CAPN6: variants seen among roughly 807,000 people sequenced by gnomAD.
The protein encoded by CAPN6 is calpain-6.
In CAPN6, 16 loss-of-function variants were observed where a neutral mutation model predicts 46.0. The ratio of observed to expected loss-of-function variants is 0.35; its 90% CI spans 0.24 to 0.53. The LOEUF (loss-of-function observed/expected upper bound fraction) is 0.53. CAPN6 is among the 20% of genes least tolerant of loss of function. CAPN6 has a pLI of 0.94. For missense variants in CAPN6, 461 were observed against 498.0 expected (o/e 0.93, Z 0.71); for synonymous variants, 206 against 172.8 (o/e 1.19, Z -1.51).
chrX:111,261,261 AC>A (rs2094987742), intron 2 of CAPN6, among the ~76,000 whole-genome samples: 1 of 112,597 alleles, frequency 8.9e-6, no homozygotes, highest in Admixed American at 9.4e-5. Context: ...TAGCAGTCTG[AC>A]CCTGAGCAAA....
At position 111,251,021 on chromosome X, in the gene CAPN6, C is replaced by T. The variant is rs1173458454; in HGVS notation, c.1054G>A (p.Glu352Lys). 8.3e-7 allele frequency: 1 copy of T among 1,211,546 alleles called. No homozygotes were observed. ...CAGCATCCCAACACCGATTCCAGCT[C>T]CTTTCGGCCAAAAATAGGGTTGTTC... ...NVNNPIFGRK[E>K]LESVLGCWTV... The change falls in exon 8 of 13, where the codon GAG becomes AAG. Residue 352 changes from glutamate (E) to lysine (K), a missense_variant. Glu to Lys is a moderately conservative substitution (Grantham distance 56, BLOSUM62 1). Transcript: ENST00000324068.
At chrX:111,266,233 CAAAAAAAAAAAAA>C (rs36058551) in intron 1 of CAPN6, among the ~76,000 whole-genome samples, 2 of 34,318 alleles carry the variant, frequency 5.8e-5, no homozygotes, top group Non-Finnish European at 1.0e-4. Context: ...GACTCCGTCT[CAAAAAAAAAAAAA>C]AAAAAAAAAA....
Position 111,246,415 on chromosome X carries a change from G to A in CAPN6, c.*162C>T, listed in dbSNP as rs2094974552. 6.4e-6 allele frequency: 3 copies of A among 469,806 alleles called. No homozygotes were observed. The highest frequency in any genetic ancestry group is 1.1e-5 in the Non-Finnish European group (3 of 278,093). 38.7% of individuals were successfully genotyped at this position (469,806 alleles called of 1,213,427 possible). On this transcript the variant is annotated 3_prime_UTR_variant, in exon 13 of 13. Coordinates refer to ENST00000324068, the MANE Select transcript of CAPN6 (RefSeq NM_014289.4). ...GTATATAGGTTATGTAGCTACAGAT[G>A]CTACTTGGATTGGGAGGTATGGGGA... is the stretch of plus-strand genomic sequence containing the variant.
In CAPN6 at chrX:111,252,372, A is replaced by G; in HGVS notation, c.634T>C (p.Tyr212His). 4.1e-6 allele frequency: 5 copies of G among 1,208,998 alleles called. No homozygotes were observed. The highest frequency in any genetic ancestry group is 5.6e-6 in the Non-Finnish European group (5 of 893,285). The stretch of plus-strand genomic sequence containing the variant: ...TTGTACAGTTCTCCGAATAGCTTGT[A>G]CTTCTCCTCAACAAGCTCAGTGTAT... ...GRYTELVEEK[Y>H]KLFGELYKTF... The change falls in exon 5 of 13, where the codon TAC (tyrosine) becomes CAC (histidine). Residue 212 changes from tyrosine (Y) to histidine (H), a missense_variant. Transcript: ENST00000324068.
intron 8 of CAPN6, among the ~76,000 whole-genome samples, chrX:111,250,168 T>C (rs1313471419): frequency 1.8e-5 from 2 of 111,417 alleles, no homozygotes; most frequent in African/African-American, 3.3e-5. Context: ...CCTAAATGCC[T>C]GACCAATGAG....
At chrX:111,261,571 G>A (rs774889188) in intron 2 of CAPN6, among the ~76,000 whole-genome samples, 131 of 112,433 alleles carry the variant, frequency 1.2e-3, no homozygotes, top group African/African-American at 4.1e-3. Context: ...GTTTGCCTTA[G>A]AGGCAAAATG....
intron 2 of CAPN6, among the ~76,000 whole-genome samples, chrX:111,259,941 T>A (rs2094986601): frequency 9.0e-6 from 1 of 111,537 alleles, no homozygotes; most frequent in African/African-American, 3.3e-5. Flanking sequence ...ACCGGCAGTC[T>A]TATGATCACA....
At chrX:111,256,451 TAACATGGAAA>T (rs2094983834) in intron 2 of CAPN6, among the ~76,000 whole-genome samples, 1 of 112,304 alleles carries the variant, frequency 8.9e-6, no homozygotes, top group Non-Finnish European at 1.9e-5. Context: ...CATAGTTTCC[TAACATGGAAA>T]AACAATAAAG....
intron 1 of CAPN6, among the ~76,000 whole-genome samples, chrX:111,264,467 C>T (rs1424433464): frequency 4.5e-5 from 5 of 111,887 alleles, no homozygotes; most frequent in African/African-American, 1.6e-4. Context: ...TTTCTTCCGT[C>T]TTGTCATTTA....
chrX:111,265,036 T>C (rs996979863), intron 1 of CAPN6, among the ~76,000 whole-genome samples: 3 of 111,989 alleles, frequency 2.7e-5, no homozygotes. Context: ...AAGTCTATAT[T>C]CTATAATCAC....
At chrX:111,267,593 C>A (rs974750839) in intron 1 of CAPN6, among the ~76,000 whole-genome samples, 1 of 111,149 alleles carries the variant, frequency 9.0e-6, no homozygotes, top group South Asian at 3.9e-4. Flanking sequence ...TCTTAACCTG[C>A]GGGTTAGCCT....
At position 111,245,733 on chromosome X, in the gene CAPN6, TGCCTGAATGGTAGTTCGTGCGC is replaced by T. The variant is rs1416800080; in HGVS notation, c.*822_*843del. The stretch of plus-strand genomic sequence containing the variant: ...CTTATCTTTCCTCTTGCCCACTGAC[TGCCTGAATGGTAGTTCGTGCGC>T]GCCCATGTGCGCGTGTGTGAGTGTA... On this transcript the variant is annotated 3_prime_UTR_variant, in exon 13 of 13. Coordinates refer to ENST00000324068, the MANE Select transcript of CAPN6 (RefSeq NM_014289.4). 8.8e-6 allele frequency: 1 copy of T among 113,247 alleles called. No individual in the cohort carries two copies. Among genetic ancestry groups the T allele is most frequent in the Non-Finnish European group, 1.9e-5 (1 of 53,427 alleles). The allele number at this position is 113,247 out of a possible 1,213,427, so 9.3% of individuals were successfully genotyped here.
chrX:111,247,516 T>C lies in CAPN6; in HGVS notation c.1607-12A>G, dbSNP rs754936782. On this transcript the variant is annotated splice_polypyrimidine_tract_variant and intron_variant, in intron 11 of 12. Coordinates refer to ENST00000324068, the MANE Select transcript of CAPN6 (RefSeq NM_014289.4). ...ATATGGGTTTACAGCTGGAACAAAG[T>C]GACATATGTTTTTAACACAGCAATT... The C allele has an allele frequency of 3.4e-6, 4 of 1,191,936 alleles. No individual in the cohort carries two copies. The African/African-American group carries it at 7.1e-5, about 21-fold the overall frequency.
intron 12 of CAPN6, among the ~76,000 whole-genome samples, 183 bp from the exon 13 acceptor site, chrX:111,246,942 C>G (rs1291657918): frequency 1.8e-5 from 2 of 111,912 alleles, no homozygotes; most frequent in East Asian, 5.6e-4. Context: ...ACATGAAAAG[C>G]CAGAAAACAG....
chrX:111,254,334 C>T lies in CAPN6; in HGVS notation c.235G>A (p.Gly79Arg). Residue 79 changes from glycine (G) to arginine (R), a missense_variant, in exon 3 of 13, where the codon GGG (glycine) becomes AGG (arginine). Physicochemically the swap from Gly to Arg is moderately radical, Grantham distance 125 (BLOSUM62 -2). Coordinates refer to ENST00000324068, the MANE Select transcript of CAPN6 (RefSeq NM_014289.4). ...SNHQLTQGRL[G>R]HKPMVSAFSC... is the part of the protein sequence containing the mutation. ...AATGCAGAAACCATTGGCTTGTGCC[C>T]CAGTCTCCCTTGGGTCAGCTGGTGG... The T allele has an allele frequency of 8.3e-7, 1 of 1,209,122 alleles. No homozygotes were observed. Among genetic ancestry groups the T allele is most frequent in the Non-Finnish European group, 1.1e-6 (1 of 893,565 alleles).
intron 3 of CAPN6, among the ~76,000 whole-genome samples, chrX:111,253,424 T>A (rs950964744): frequency 5.3e-5 from 6 of 112,543 alleles, no homozygotes; most frequent in Admixed American, 9.4e-5. Flanking sequence ...GATATCACCA[T>A]GCCTGTCTAA....
At chrX:111,249,363 A>ACTATTG (rs1193820410) in intron 8 of CAPN6, among the ~76,000 whole-genome samples, 24 of 110,830 alleles carry the variant, frequency 2.2e-4, no homozygotes, top group Non-Finnish European at 3.6e-4. Flanking sequence ...TATTATTATT[A>ACTATTG]TTATTGTTAT....
At chrX:111,252,160 A>G (rs2094980102) in intron 5 of CAPN6, 147 bp downstream of exon 5, 2 of 458,168 alleles carry the variant, frequency 4.4e-6, no homozygotes, top group Non-Finnish European at 7.2e-6. Context: ...CAGCTTCCAC[A>G]CCAGGGCAAA....
chrX:111,263,241 G>C (rs1381709362), intron 2 of CAPN6, among the ~76,000 whole-genome samples: 2 of 111,627 alleles, frequency 1.8e-5, no homozygotes, highest in African/African-American at 6.5e-5. Context: ...CCCTTTAGTG[G>C]GTGACTAGAT....
Sources: allele counts gnomAD v4.1 joint callset (sites outside exome capture counted in the v4.1 genomes callset), GRCh38; gene constraint gnomAD v4.1.1; transcripts MANE v1.5; gene names NCBI Gene and HGNC (gene_info 2026-07-23, HGNC 2026-07-21).